The following PTK2B variants were observed in gnomAD, a reference collection of about 807,000 sequenced individuals.
The protein encoded by PTK2B is protein tyrosine kinase 2 beta.
In PTK2B, 71 loss-of-function variants were observed where a neutral mutation model predicts 142.9. The observed-to-expected ratio is 0.50, with a 90% CI of 0.41 to 0.61. The LOEUF is 0.61. Among genes scored for constraint, PTK2B ranks in the 20% least tolerant of loss-of-function variants. The pLI, the probability that PTK2B is intolerant of heterozygous loss-of-function variation, is 0.00. For synonymous variants in PTK2B, 519 were observed against 503.4 expected (o/e 1.03, Z -0.42); for missense variants, 1,105 against 1,320.4 (o/e 0.84, Z 2.53).
In PTK2B at chr8:27,405,897, A is replaced by G. The variant is rs1396616240; in HGVS notation, c.204+8109A>G. ...CACTTATTTTAGAATGATCCCTTAC[A>G]TGTGTTGCAAACTCAGAAGGTATAT... On this transcript the variant is annotated intron_variant, in intron 2 of 30. Coordinates refer to ENST00000346049, the MANE Select transcript of PTK2B (RefSeq NM_173176.3). 4.6e-5 allele frequency among the ~76,000 whole-genome samples: 7 copies of G among 152,336 alleles called. 1 individual carries two copies. Among genetic ancestry groups the G allele is most frequent in the Admixed American group, 2.0e-4 (3 of 15,302 alleles).
At chr8:27,397,372 C>G in intron 1 of PTK2B, 176 bp from the exon 2 acceptor site, 1 of 587,088 alleles carries the variant, frequency 1.7e-6, no homozygotes, top group Non-Finnish European at 3.0e-6. Flanking sequence ...TTGCCCCTTT[C>G]TGCTGCATCT....
At chr8:27,382,926 A>T (rs1435438913) in intron 1 of PTK2B, among the ~76,000 whole-genome samples, 2 of 152,148 alleles carry the variant, frequency 1.3e-5, no homozygotes, top group African/African-American at 2.4e-5. Flanking sequence ...CTGTTTTTAT[A>T]TCAGTACCAT....
At chr8:27,337,271 A>G (rs28651517) in intron 1 of PTK2B, among the ~76,000 whole-genome samples, 121,785 of 151,934 alleles carry the variant, frequency 0.8, 49,427 homozygotes, top group Middle Eastern at 0.87. Flanking sequence ...AAGTAGCTGG[A>G]ATTACAGGCA....
chr8:27,338,741 A>G (rs1056560713), intron 1 of PTK2B, among the ~76,000 whole-genome samples: 4 of 152,226 alleles, frequency 2.6e-5, no homozygotes, highest in African/African-American at 9.6e-5. Flanking sequence ...AACCCATAAC[A>G]TGAAAGATTC....
upstream of PTK2B, among the ~76,000 whole-genome samples, chr8:27,320,920 A>C (rs1306216145): frequency 6.8e-6 from 1 of 147,374 alleles, no homozygotes; most frequent in Non-Finnish European, 1.5e-5. Context: ...CCTCATCCTG[A>C]AGCTATCTAA....
chr8:27,350,646 C>T (rs190876854), intron 1 of PTK2B, among the ~76,000 whole-genome samples: 11 of 151,940 alleles, frequency 7.2e-5, no homozygotes, highest in African/African-American at 2.2e-4. Flanking sequence ...AACACAAGTG[C>T]GAACTGTTAA....
intron 1 of PTK2B, among the ~76,000 whole-genome samples, chr8:27,355,041 C>T (rs759669037): frequency 1.3e-5 from 2 of 152,184 alleles, no homozygotes; most frequent in Non-Finnish European, 2.9e-5. Flanking sequence ...ATACTTTGTT[C>T]TTATTCAAAA....
intron 2 of PTK2B, among the ~76,000 whole-genome samples, chr8:27,410,130 G>A (rs546030409): frequency 6.6e-6 from 1 of 152,358 alleles, no homozygotes; most frequent in South Asian, 2.1e-4. Context: ...AAAAGAGTAA[G>A]GAGGGTGAAT....
rs145303994 is a variant in PTK2B at position 27,384,226 on chromosome 8, A to G, written c.-37-13322A>G. Among the ~76,000 whole-genome samples, 377 of 150,594 alleles carry G rather than the reference A, an allele frequency of 2.5e-3. 2 individuals are homozygous for G. Among genetic ancestry groups the G allele is most frequent in the African/African-American group, 8.9e-3 (364 of 40,896 alleles). The stretch of plus-strand genomic sequence containing the variant: ...GTGCAGGCTGGTCTCAAACTCCTGG[A>G]CTCAAGCAATCCTCCTGCCTCAGCC... On this transcript the variant is annotated intron_variant, in intron 1 of 30. Transcript: ENST00000346049.
At chr8:27,310,743 C>T, upstream of PTK2B, 1 of 1,517,844 alleles carries the variant, frequency 6.6e-7, no homozygotes, top group Non-Finnish European at 8.9e-7. Flanking sequence ...GCCGCAGAGC[C>T]AAGGGATTCC....
At chr8:27,399,888 C>G (rs903235608) in intron 2 of PTK2B, among the ~76,000 whole-genome samples, 11 of 152,140 alleles carry the variant, frequency 7.2e-5, no homozygotes, top group Admixed American at 3.9e-4. Context: ...CTGATCTGGG[C>G]TTCAGTCTCT....
chr8:27,357,586 T>G (rs1301884238), intron 1 of PTK2B, among the ~76,000 whole-genome samples: 1 of 152,252 alleles, frequency 6.6e-6, no homozygotes, highest in Non-Finnish European at 1.5e-5. Context: ...TCTCTTGTTG[T>G]GAAACTGGGC....
chr8:27,405,870 A>G (rs1166770474), intron 2 of PTK2B, among the ~76,000 whole-genome samples: 2 of 152,372 alleles, frequency 1.3e-5, no homozygotes, highest in South Asian at 2.1e-4. Context: ...TTGTTCTTCA[A>G]TCACTTATTT....
chr8:27,377,425 T>C lies in PTK2B; in HGVS notation c.-37-20123T>C, dbSNP rs531967460. On this transcript the variant is annotated intron_variant, in intron 1 of 30. Transcript: ENST00000346049. The stretch of plus-strand genomic sequence containing the variant: ...ACTGAGATTCAGGGAGGTAACAGGA[T>C]TTGTCCCAGATGATTAGACTGGGCC... Among the ~76,000 whole-genome samples the C allele has an allele frequency of 2.4e-4, 37 of 152,320 alleles. No individual in the cohort carries two copies. In the South Asian group the frequency reaches 7.7e-3, roughly 32 times the overall value.
At chr8:27,333,184 A>T (rs1044731645) in intron 1 of PTK2B, among the ~76,000 whole-genome samples, 4 of 152,140 alleles carry the variant, frequency 2.6e-5, no homozygotes, top group African/African-American at 9.7e-5. Flanking sequence ...CAGCAGAGAG[A>T]TGGAGAGGTG....
chr8:27,449,947 A>G (rs1445639614), intron 24 of PTK2B, among the ~76,000 whole-genome samples: 3 of 152,132 alleles, frequency 2.0e-5, no homozygotes, highest in Non-Finnish European at 2.9e-5. Context: ...TTTTCATTTT[A>G]TCTATTAGTT....
At chr8:27,321,939 A>G (rs997934936), upstream of PTK2B, among the ~76,000 whole-genome samples, 2 of 152,118 alleles carry the variant, frequency 1.3e-5, no homozygotes, top group Non-Finnish European at 2.9e-5. Context: ...AGAGGTAGAC[A>G]TCCCTTGGTG....
At chr8:27,453,702 AGAACCCATC>A (rs1811964276) in intron 28 of PTK2B, among the ~76,000 whole-genome samples, 1 of 152,194 alleles carries the variant, frequency 6.6e-6, no homozygotes, top group Non-Finnish European at 1.5e-5. Flanking sequence ...CAATATAGCA[AGAACCCATC>A]TTTACTAAAT....
chr8:27,349,045 C>G (rs569620323), intron 1 of PTK2B, among the ~76,000 whole-genome samples: 1 of 152,166 alleles, frequency 6.6e-6, no homozygotes, highest in Non-Finnish European at 1.5e-5. Flanking sequence ...CTATGCATCC[C>G]AGCCTCAGAC....
Sources: gnomAD v4.1 joint callset for allele counts (sites outside exome capture counted in the v4.1 genomes callset) on GRCh38, gnomAD v4.1.1 for gene constraint, MANE v1.5 for transcripts, NCBI Gene and HGNC (gene_info 2026-07-23, HGNC 2026-07-21) for gene names.